PDGFB: variants seen among roughly 807,000 people sequenced by gnomAD.
The protein encoded by PDGFB is platelet derived growth factor subunit B, also known as platelet-derived growth factor subunit B.
In PDGFB, 6 loss-of-function variants were observed where a neutral mutation model predicts 29.0. The ratio of observed to expected loss-of-function variants is 0.21; its 90% CI spans 0.11 to 0.41. PDGFB has a LOEUF of 0.41. PDGFB is among the 10% of genes least tolerant of loss of function. The pLI is 1.00. For missense variants in PDGFB, 299 were observed against 341.8 expected (o/e 0.87, Z 0.99); for synonymous variants, 144 against 140.8 (o/e 1.02, Z -0.16).
Position 39,243,046 on chromosome 22 carries a change from T to C in PDGFB, c.63+855A>G, listed in dbSNP as rs1412114538. ...CCCATCTCCCGTGCAGCTAGGCTTT[T>C]GCAGGCGGCGCGCTCCGCACCCTGC... On this transcript the variant is annotated intron_variant, in intron 1 of 6. Coordinates refer to ENST00000331163, the MANE Select transcript of PDGFB (RefSeq NM_002608.4). The surrounding 1 kb of genome is among the most constrained non-coding windows in gnomAD (Gnocchi z 6.4). 4.3e-6 allele frequency: 1 copy of C among 233,062 alleles called. No individual in the cohort carries two copies. The highest frequency in any genetic ancestry group is 2.2e-5 in the African/African-American group (1 of 45,350). The allele number at this position is 233,062 out of a possible 1,614,324, so 14.4% of individuals were successfully genotyped here. A position where few individuals can be genotyped will look rare whatever the true frequency, so the allele number is the denominator to read the frequency against.
intron 5 of PDGFB, among the ~76,000 whole-genome samples, chr22:39,229,515 T>C (rs1569135053): frequency 6.6e-6 from 1 of 152,212 alleles, no homozygotes; most frequent in Non-Finnish European, 1.5e-5. Flanking sequence ...AGAAATTCGT[T>C]TGATTTCTCA....
rs376638696 is a variant in PDGFB at position 39,231,617 on chromosome 22, C to T, written c.456+5G>A. The T allele has an allele frequency of 8.1e-5, 126 of 1,549,704 alleles. No homozygotes were observed. Among genetic ancestry groups the T allele is most frequent in the Middle Eastern group, 2.0e-4 (1 of 4,888 alleles). Reference sequence around the variant, plus strand: ...CAGCCTCGGGGGGCCGCGGAGCCTACGCACCTGGACAGGTCGCAGCTGCAC... The same window carrying T: ...CAGCCTCGGGGGGCCGCGGAGCCTATGCACCTGGACAGGTCGCAGCTGCAC... On this transcript the variant is annotated splice_donor_5th_base_variant and intron_variant, in intron 4 of 6. Coordinates refer to ENST00000331163, the MANE Select transcript of PDGFB (RefSeq NM_002608.4). This position sits in a 1 kb window ranked among gnomAD's most constrained non-coding sequence, Gnocchi z 4.3.
Position 39,241,798 on chromosome 22 carries a change from C to A in PDGFB, c.63+2103G>T, listed in dbSNP as rs1016987539. 3.9e-5 allele frequency among the ~76,000 whole-genome samples: 6 copies of A among 152,338 alleles called. No homozygotes were observed. The South Asian group carries it at 1.2e-3, about 32-fold the overall frequency. ...TATGTGAAGGGGGAATCGCTCTGGACAGCTCAGTGCCCCTCAGAGTCACAT... is the reference window on the plus strand; with the variant it reads ...TATGTGAAGGGGGAATCGCTCTGGAAAGCTCAGTGCCCCTCAGAGTCACAT... On this transcript the variant is annotated intron_variant, in intron 1 of 6. Coordinates refer to ENST00000331163, the MANE Select transcript of PDGFB (RefSeq NM_002608.4).
chr22:39,235,814 C>T lies in PDGFB; in HGVS notation c.124G>A (p.Asp42Asn). ...MLSDHSIRSF[D>N]DLQRLLHGDP... ...CCGTGCAGCAGGCGTTGGAGATCAT[C>T]AAAGGAGCGGATCGAGTGGTCACTC... The change falls in exon 2 of 7, where the codon GAT (aspartate) becomes AAT (asparagine). Residue 42 changes from aspartate (D) to asparagine (N), a missense_variant. By Grantham distance (23) the Asp-to-Asn change is conservative (BLOSUM62 1). Transcript: ENST00000331163. 6.2e-7 allele frequency: 1 copy of T among 1,614,050 alleles called. No homozygotes were observed. The highest frequency in any genetic ancestry group is 8.5e-7 in the Non-Finnish European group (1 of 1,179,984).
At chr22:39,229,987 G>A in intron 5 of PDGFB, 97 bp downstream of exon 5, 1 of 1,368,796 alleles carries the variant, frequency 7.3e-7, no homozygotes, top group Non-Finnish European at 1.0e-6. Context: ...ATTTAACCGG[G>A]GGCGGGCCTG....
Position 39,228,893 on chromosome 22 carries a change from A to AAAAAAAAATAT in PDGFB, c.601+1190_601+1191insATATTTTTTTT, listed in dbSNP as rs1184799325. Among the ~76,000 whole-genome samples, 21 of 132,618 alleles carry AAAAAAAAATAT rather than the reference A, an allele frequency of 1.6e-4. 2 individuals carry two copies. The highest frequency in any genetic ancestry group is 3.1e-4 in the African/African-American group (12 of 38,196). 87.0% of individuals were successfully genotyped at this position (132,618 alleles called of 152,430 possible). Reference sequence around the variant, plus strand: ...GACAGGGTGAGACTGCCTCAAAAAAAATATATATATATATAGATATATATA... The same window carrying AAAAAAAAATAT: ...GACAGGGTGAGACTGCCTCAAAAAAAAAAAAAAATATATATATATATATATAGATATATATA... On this transcript the variant is annotated intron_variant, in intron 5 of 6. Coordinates refer to ENST00000331163, the MANE Select transcript of PDGFB (RefSeq NM_002608.4).
rs1034574139 is a variant in PDGFB at position 39,242,916 on chromosome 22, C to G, written c.63+985G>C. On this transcript the variant is annotated intron_variant, in intron 1 of 6. Transcript: ENST00000331163. The surrounding 1 kb of genome is among the most constrained non-coding windows in gnomAD (Gnocchi z 5.7). ...CCGCGCGCGTCGTCCTGCCCCGCCC[C>G]CTTTCCCACCTGGATTCCGGGTAGA... is the stretch of plus-strand genomic sequence containing the variant. The G allele has an allele frequency of 8.6e-6, 2 of 233,054 alleles. No homozygotes were observed. Among genetic ancestry groups the G allele is most frequent in the African/African-American group, 4.4e-5 (2 of 45,350 alleles). The allele number at this position is 233,054 out of a possible 1,614,324, so 14.4% of individuals were successfully genotyped here. A position where few individuals can be genotyped will look rare whatever the true frequency, so the allele number is the denominator to read the frequency against.
chr22:39,240,935 ACACACACT>A (rs1932555472), intron 1 of PDGFB: 23 of 1,389,134 alleles, frequency 1.7e-5, no homozygotes, highest in Non-Finnish European at 2.0e-5. Context: ...ACACACACAC[ACACACACT>A]CTCTCTCTCT....
In PDGFB at chr22:39,231,495, C is replaced by G; in HGVS notation, c.456+127G>C. ...GGCCTCTCTGGACAGAGCCCAGGAA[C>G]AAATCAGGAATGTCCTTCGACACAC... On this transcript the variant is annotated intron_variant, in intron 4 of 6. Transcript: ENST00000331163. The surrounding 1 kb of genome is among the most constrained non-coding windows in gnomAD (Gnocchi z 4.3). The G allele has an allele frequency of 1.3e-6, 1 of 750,058 alleles. No homozygotes were observed. Among genetic ancestry groups the G allele is most frequent in the Non-Finnish European group, 2.1e-6 (1 of 473,290 alleles). 46.5% of individuals were successfully genotyped at this position (750,058 alleles called of 1,614,324 possible).
intron 5 of PDGFB, 143 bp downstream of exon 5, chr22:39,229,941 T>G (rs2146436118): frequency 9.9e-7 from 1 of 1,005,590 alleles, no homozygotes; most frequent in Non-Finnish European, 1.5e-6. Context: ...GAACCTGGCT[T>G]GTGTCTCAGC....
chr22:39,234,919 G>A lies in PDGFB; in HGVS notation c.160+859C>T, dbSNP rs150620236. 1.2e-3 allele frequency among the ~76,000 whole-genome samples: 186 copies of A among 152,266 alleles called. 1 individual carries two copies. The highest frequency in any genetic ancestry group is 4.1e-3 in the African/African-American group (172 of 41,548). ...TGTGTGTGGCCAGGGGCGGCCAGTC[G>A]GGCATAGGGTGGGGGTTGTGGGAGA... On this transcript the variant is annotated intron_variant, in intron 2 of 6. Transcript: ENST00000331163.
intron 5 of PDGFB, among the ~76,000 whole-genome samples, chr22:39,226,289 C>T (rs1006210330): frequency 7.9e-5 from 12 of 152,296 alleles, no homozygotes; most frequent in Middle Eastern, 6.8e-3. Context: ...GACGTGGTGC[C>T]GTGCCAGTTC....
At position 39,231,043 on chromosome 22, in the gene PDGFB, G is replaced by C. The variant is rs139135118; in HGVS notation, c.456+579C>G. On this transcript the variant is annotated intron_variant, in intron 4 of 6. Transcript: ENST00000331163. The surrounding 1 kb of genome is among the most constrained non-coding windows in gnomAD (Gnocchi z 4.3). ...CCCCCGTCCCTCCGAAGAAAAGCAG[G>C]ATCAGCATTCCACTGTTGTCAGGGG... Among the ~76,000 whole-genome samples, 11 of 152,328 alleles carry C rather than the reference G, an allele frequency of 7.2e-5. No individual in the cohort carries two copies. Among genetic ancestry groups the C allele is most frequent in the African/African-American group, 2.6e-4 (11 of 41,566 alleles).
At chr22:39,239,977 G>T (rs1433780217) in intron 1 of PDGFB, among the ~76,000 whole-genome samples, 22 of 152,208 alleles carry the variant, frequency 1.4e-4, no homozygotes, top group Admixed American at 1.4e-3. Flanking sequence ...GCCTCCCAGA[G>T]CCTGCCTGCC....
At chr22:39,238,297 C>T (rs1479548549) in intron 1 of PDGFB, among the ~76,000 whole-genome samples, 2 of 152,150 alleles carry the variant, frequency 1.3e-5, no homozygotes, top group African/African-American at 2.4e-5. Flanking sequence ...TCTGCCTCCT[C>T]CACCAGGAGG....
intron 4 of PDGFB, among the ~76,000 whole-genome samples, chr22:39,230,788 A>G (rs941653433): frequency 6.6e-6 from 1 of 152,244 alleles, no homozygotes; most frequent in African/African-American, 2.4e-5. Context: ...GGCTGGTGGC[A>G]GGAGAAGGAA....
intron 5 of PDGFB, 43 bp from the exon 6 acceptor site, chr22:39,225,890 G>A: frequency 6.3e-7 from 1 of 1,585,050 alleles, no homozygotes; most frequent in Non-Finnish European, 8.6e-7. Context: ...GTGGACCATT[G>A]GGGAGGTCTC....
At chr22:39,232,128 T>C (rs1250710558) in intron 3 of PDGFB, among the ~76,000 whole-genome samples, 1 of 152,246 alleles carries the variant, frequency 6.6e-6, no homozygotes, top group Non-Finnish European at 1.5e-5. Flanking sequence ...AATGTCCGCT[T>C]CCCTCTGCTG....
rs1223537329 is a variant in PDGFB, at chr22:39,242,175, C to T, written c.63+1726G>A. ...GTGCGGTGCGCGCGCGTGTGTCCCG[C>T]GTGTGCACGGGCGTGGCAGAGGCGG... On this transcript the variant is annotated intron_variant, in intron 1 of 6. Coordinates refer to ENST00000331163, the MANE Select transcript of PDGFB (RefSeq NM_002608.4). The surrounding 1 kb of genome is among the most constrained non-coding windows in gnomAD (Gnocchi z 5.7). 1.4e-5 allele frequency: 3 copies of T among 217,216 alleles called. No homozygotes were observed. The highest frequency in any genetic ancestry group is 2.3e-5 in the African/African-American group (1 of 44,362). The allele number at this position is 217,216 out of a possible 1,614,324, so 13.5% of individuals were successfully genotyped here. A position where few individuals can be genotyped will look rare whatever the true frequency, so the allele number is the denominator to read the frequency against.
Sources: allele counts gnomAD v4.1 joint callset (sites outside exome capture counted in the v4.1 genomes callset), GRCh38; gene constraint gnomAD v4.1.1; non-coding constraint Gnocchi (gnomAD v3.1); transcripts MANE v1.5; gene names NCBI Gene and HGNC (gene_info 2026-07-23, HGNC 2026-07-21).